The following HEATR4 variants were observed in gnomAD, a reference collection of about 807,000 sequenced individuals.
The protein encoded by HEATR4 is HEAT repeat-containing protein 4.
In HEATR4, 95 loss-of-function variants were observed where a neutral mutation model predicts 108.8. The observed-to-expected ratio is 0.87, with a 90% CI of 0.74 to 1.04. HEATR4 has a LOEUF of 1.04. Ranked by LOEUF, HEATR4 falls within the 50% of genes least tolerant of loss-of-function variation. The pLI is 0.00. For missense variants in HEATR4, 1,152 were observed against 1,253.8 expected, an observed-to-expected ratio of 0.92 and a Z score of 1.23; for synonymous variants, 443 against 459.4, an observed-to-expected ratio of 0.96 and a Z score of 0.46.
chr14:73,509,411 T>C lies in HEATR4; in HGVS notation c.1621A>G (p.Lys541Glu). Residue 541 changes from lysine to glutamate, a missense_variant, in exon 8 of 18, where the codon AAG (lysine) becomes GAG (glutamate). Coordinates refer to ENST00000553558, the MANE Select transcript of HEATR4 (RefSeq NM_001220484.1). Reference protein sequence around the residue: ...LPALEAALCDKNAHVRMAAAI... With the variant: ...LPALEAALCDENAHVRMAAAI... ...GCTGCCATCCGCACATGGGCATTCT[T>C]GTCACAAAGAGCAGCCTCTAGGGCA... is the stretch of plus-strand genomic sequence containing the variant. The C allele has an allele frequency of 6.2e-7, 1 of 1,614,086 alleles. No homozygotes were observed. Among genetic ancestry groups the C allele is most frequent in the Non-Finnish European group, 8.5e-7 (1 of 1,180,032 alleles).
chr14:73,496,989 A>G (rs1044086782), intron 14 of HEATR4, among the ~76,000 whole-genome samples: 3 of 152,164 alleles, frequency 2.0e-5, no homozygotes, highest in African/African-American at 7.2e-5. Flanking sequence ...TCCACCTCCC[A>G]GGTTCAAGCG....
At chr14:73,632,162 T>C in the HEATR4 span, 1 of 150,826 alleles carries the variant, frequency 6.6e-6, no homozygotes, top group Admixed American at 6.6e-5. Flanking sequence ...TTTGTAGAGA[T>C]GGGGGTCTCG....
At chr14:73,582,253 GT>G in the HEATR4 span, 1 of 150,086 alleles carries the variant, frequency 6.7e-6, no homozygotes, top group East Asian at 1.9e-4. Flanking sequence ...CTTGCTCAGA[GT>G]TGTTTGCTGC....
chr14:73,538,967 T>TAAAACA (rs1002008696), intron 1 of HEATR4, among the ~76,000 whole-genome samples: 3 of 115,284 alleles, frequency 2.6e-5, no homozygotes, highest in African/African-American at 8.5e-5. Flanking sequence ...AAACTCCATC[T>TAAAACA]AAAACAAAAA....
At chr14:73,612,333 C>T in the HEATR4 span, among the ~76,000 whole-genome samples, 2 of 152,214 alleles carry the variant, frequency 1.3e-5, no homozygotes, top group African/African-American at 4.8e-5. Flanking sequence ...TGATCCACCG[C>T]CCCCGGCCGG....
At chr14:73,590,672 G>A in the HEATR4 span, among the ~76,000 whole-genome samples, 3 of 152,118 alleles carry the variant, frequency 2.0e-5, no homozygotes, top group Admixed American at 2.0e-4. Flanking sequence ...AGCAGCTGCT[G>A]CCCCAGGTGC....
At chr14:73,623,333 G>A in the HEATR4 span, among the ~76,000 whole-genome samples, 3 of 152,064 alleles carry the variant, frequency 2.0e-5, no homozygotes, top group African/African-American at 7.2e-5. Context: ...GAAACATTAC[G>A]TGATATAAAG....
the HEATR4 span, among the ~76,000 whole-genome samples, chr14:73,631,283 A>G: frequency 6.6e-6 from 1 of 150,774 alleles, no homozygotes; most frequent in Non-Finnish European, 1.5e-5. Context: ...GTAGAAAACA[A>G]TTTTTTTTTT....
chr14:73,568,065 A>G, the HEATR4 span: 2 of 152,166 alleles, frequency 1.3e-5, no homozygotes, highest in Admixed American at 1.3e-4. Context: ...CCAGACACAG[A>G]ATTATTTGCC....
rs771041907 is a variant in HEATR4, at chr14:73,500,723, G to T, written c.2113C>A (p.Leu705Ile). The part of the protein sequence containing the change: ...KEVHDIIRVK[L>I]GQGNSQERVE... ...CGCTCCTGGGAATTTCCTTGACCTA[G>T]CTTGACCCTGTAAGGCACAAGTTGC... The change falls in exon 12 of 18, where the codon CTA becomes ATA. Residue 705 changes from leucine (L) to isoleucine (I), a missense_variant. Physicochemically the swap from Leu to Ile is conservative, Grantham distance 5. Coordinates refer to ENST00000553558, the MANE Select transcript of HEATR4 (RefSeq NM_001220484.1). 6.2e-7 allele frequency: 1 copy of T among 1,613,328 alleles called. No individual in the cohort carries two copies. The highest frequency in any genetic ancestry group is 8.5e-7 in the Non-Finnish European group (1 of 1,179,480).
the HEATR4 span, among the ~76,000 whole-genome samples, chr14:73,590,035 A>T: frequency 8.5e-5 from 13 of 152,098 alleles, no homozygotes; most frequent in Non-Finnish European, 1.6e-4. Context: ...GGGCCCAAAA[A>T]CTGAGCTACC....
At chr14:73,561,382 A>G (rs1013478532), upstream of HEATR4, among the ~76,000 whole-genome samples, 7 of 150,606 alleles carry the variant, frequency 4.6e-5, no homozygotes, top group African/African-American at 1.7e-4. Context: ...AAAGAAAGAA[A>G]AAAAAAGAAA....
the HEATR4 span, among the ~76,000 whole-genome samples, chr14:73,578,611 C>T: frequency 6.6e-6 from 1 of 151,802 alleles, no homozygotes. Context: ...TGAAACAGAC[C>T]GAAAAGTTCA....
the HEATR4 span, among the ~76,000 whole-genome samples, chr14:73,576,212 A>G: frequency 6.6e-6 from 1 of 151,980 alleles, no homozygotes; most frequent in Non-Finnish European, 1.5e-5. Flanking sequence ...ACTGTGGAAG[A>G]AAAGCACATA....
At chr14:73,595,190 A>C in the HEATR4 span, 1 of 1,614,090 alleles carries the variant, frequency 6.2e-7, no homozygotes, top group African/African-American at 1.3e-5. Context: ...CATCAACTAT[A>C]AGCACAGTAG....
chr14:73,617,272 C>T, the HEATR4 span: 1 of 1,566,420 alleles, frequency 6.4e-7, no homozygotes, highest in South Asian at 1.1e-5. Flanking sequence ...CCTGCCAGAA[C>T]ACTGAGAACT....
intron 1 of HEATR4, among the ~76,000 whole-genome samples, chr14:73,546,485 C>G (rs1889234273): frequency 9.0e-6 from 1 of 111,250 alleles, no homozygotes; most frequent in Admixed American, 1.0e-4. Context: ...CACCTCAGCC[C>G]CCTGAGTAGC....
chr14:73,591,944 C>T, the HEATR4 span: 8 of 1,362,452 alleles, frequency 5.9e-6, no homozygotes, highest in Non-Finnish European at 7.6e-6. Flanking sequence ...TTTGAATTCC[C>T]CGCTCCGGCT....
chr14:73,508,751 CAAAAA>C (rs770608293), intron 8 of HEATR4, among the ~76,000 whole-genome samples: 1 of 57,882 alleles, frequency 1.7e-5, no homozygotes, highest in African/African-American at 6.5e-5. Context: ...AACTCTGTCT[CAAAAA>C]AAAAAAAAAA....
Sources: gnomAD v4.1 joint callset for allele counts (sites outside exome capture counted in the v4.1 genomes callset) on GRCh38, gnomAD v4.1.1 for gene constraint, MANE v1.5 for transcripts, NCBI Gene and HGNC (gene_info 2026-07-23, HGNC 2026-07-21) for gene names.